The following CNTN5 variants were observed in gnomAD, a reference collection of about 807,000 sequenced individuals.
CNTN5 encodes contactin 5, also known as contactin-5.
A neutral mutation model predicts 129.1 loss-of-function variants in CNTN5; 77 were observed. The ratio of observed to expected loss-of-function variants is 0.60; its 90% CI spans 0.50 to 0.72. The LOEUF (loss-of-function observed/expected upper bound fraction) is 0.72. Among genes scored for constraint, CNTN5 ranks in the 30% least tolerant of loss-of-function variants. The probability of loss-of-function intolerance (pLI) is 0.00; values close to 1 mark genes in which losing one functional copy is unlikely to be tolerated. For synonymous variants in CNTN5, 509 were observed against 465.6 expected (o/e 1.09, Z -1.20); for missense variants, 1,478 against 1,328.8 (o/e 1.11, Z -1.75).
intron 3 of CNTN5, among the ~76,000 whole-genome samples, chr11:99,626,577 T>C (rs575695126): frequency 1.3e-5 from 2 of 152,294 alleles, no homozygotes; most frequent in African/African-American, 4.8e-5. Flanking sequence ...CTGCTAGAGA[T>C]TGCAGTGCTG....
rs71046683 is a variant in CNTN5 at position 99,404,288 on chromosome 11, GTT to G, written c.-71+78814_-71+78815del. 5.1e-4 allele frequency among the ~76,000 whole-genome samples: 75 copies of G among 148,054 alleles called. 1 individual carries two copies. The highest frequency in any genetic ancestry group is 1.0e-3 in the African/African-American group (42 of 40,628). ...ATTTCTTATAGGCAACAGATCAATG[GTT>G]TTTTTTTTTCTTTATTCAGCTTTTG... On this transcript the variant is annotated intron_variant, in intron 2 of 24. Transcript: ENST00000524871.
intron 3 of CNTN5, among the ~76,000 whole-genome samples, chr11:99,748,073 G>A (rs748973774): frequency 6.6e-6 from 1 of 152,094 alleles, no homozygotes; most frequent in African/African-American, 2.4e-5. Context: ...TCCAATCATA[G>A]TGAATTATCC....
chr11:99,574,565 C>A (rs568128409), intron 3 of CNTN5, among the ~76,000 whole-genome samples: 4 of 152,192 alleles, frequency 2.6e-5, no homozygotes, highest in Admixed American at 1.3e-4. Context: ...GCCTCTCCAG[C>A]ATCTGGTGTT....
At chr11:99,263,720 G>A (rs1200589689) in intron 1 of CNTN5, among the ~76,000 whole-genome samples, 1 of 152,030 alleles carries the variant, frequency 6.6e-6, no homozygotes, top group Non-Finnish European at 1.5e-5. Context: ...GGGTTCAAGT[G>A]GTTCTCCCAC....
chr11:99,951,759 CTATT>C (rs1950682754), intron 7 of CNTN5, among the ~76,000 whole-genome samples: 1 of 152,090 alleles, frequency 6.6e-6, no homozygotes, highest in African/African-American at 2.4e-5. Flanking sequence ...CTCAGTGTCT[CTATT>C]TAGCCCAACA....
chr11:99,534,551 C>A (rs1938237414), intron 2 of CNTN5, among the ~76,000 whole-genome samples: 1 of 152,094 alleles, frequency 6.6e-6, no homozygotes, highest in African/African-American at 2.4e-5. Context: ...TATAAGTCAT[C>A]ATTTAATAAA....
chr11:99,908,690 G>C (rs1007822202), intron 6 of CNTN5, among the ~76,000 whole-genome samples: 2 of 152,010 alleles, frequency 1.3e-5, no homozygotes, highest in Admixed American at 6.6e-5. Flanking sequence ...GTATTATTCA[G>C]TGTTGAAGTA....
chr11:99,892,933 CA>C (rs1026020748), intron 6 of CNTN5, among the ~76,000 whole-genome samples: 3 of 152,134 alleles, frequency 2.0e-5, no homozygotes, highest in African/African-American at 7.2e-5. Flanking sequence ...TGGCCATTTT[CA>C]CGATATTGAT....
At chr11:99,551,241 T>C (rs981416279) in intron 2 of CNTN5, among the ~76,000 whole-genome samples, 8 of 152,204 alleles carry the variant, frequency 5.3e-5, no homozygotes, top group African/African-American at 1.4e-4. Context: ...AATTGGCATA[T>C]ATATTCTGTA....
Position 100,079,051 on chromosome 11 carries a change from T to C in CNTN5, c.1580+4757T>C, listed in dbSNP as rs182339664. Among the ~76,000 whole-genome samples the C allele has an allele frequency of 1.9e-3, 286 of 151,828 alleles. 1 individual carries two copies. Among genetic ancestry groups the C allele is most frequent in the Non-Finnish European group, 3.3e-3 (225 of 67,912 alleles). On this transcript the variant is annotated intron_variant, in intron 13 of 24. Coordinates refer to ENST00000524871, the MANE Select transcript of CNTN5 (RefSeq NM_014361.4). ...GAAGTGCCAAGGAAAGGGGGAAGAGTGCCTTATAAAACCATCAGATCTATG... is the reference window on the plus strand; with the variant it reads ...GAAGTGCCAAGGAAAGGGGGAAGAGCGCCTTATAAAACCATCAGATCTATG...
intron 1 of CNTN5, among the ~76,000 whole-genome samples, chr11:99,169,966 G>A (rs1196542573): frequency 2.0e-5 from 3 of 151,924 alleles, no homozygotes; most frequent in Admixed American, 6.6e-5. Flanking sequence ...AATGTATAAC[G>A]AAAATTAATA....
chr11:99,889,291 GGTGTGTGTGTGTGTGTGT>G (rs71050029), intron 6 of CNTN5, among the ~76,000 whole-genome samples: 143 of 33,218 alleles, frequency 4.3e-3, no homozygotes, highest in Middle Eastern at 0.014. Flanking sequence ...CTCCAGAGCA[GGTGTGTGTGTGTGTGTGT>G]GTGTGTGTGT....
At chr11:99,633,803 A>G (rs553817610) in intron 3 of CNTN5, among the ~76,000 whole-genome samples, 2 of 151,154 alleles carry the variant, frequency 1.3e-5, no homozygotes, top group East Asian at 2.0e-4. Context: ...AGCTTTTGAA[A>G]TACTGTGAGA....
At chr11:99,047,249 T>C (rs1233361153) in intron 1 of CNTN5, among the ~76,000 whole-genome samples, 2 of 151,916 alleles carry the variant, frequency 1.3e-5, no homozygotes, top group Non-Finnish European at 2.9e-5. Context: ...TATTAAGAAC[T>C]TACTATCTTC....
At chr11:99,880,906 TA>T (rs988969851) in intron 6 of CNTN5, among the ~76,000 whole-genome samples, 11 of 152,098 alleles carry the variant, frequency 7.2e-5, no homozygotes, top group South Asian at 4.1e-4. Flanking sequence ...TTTTAATATT[TA>T]AAAAAATTGT....
At chr11:99,514,245 C>T (rs1039655107) in intron 2 of CNTN5, among the ~76,000 whole-genome samples, 34 of 151,966 alleles carry the variant, frequency 2.2e-4, no homozygotes, top group Admixed American at 5.9e-4. Context: ...TGAGAAGTTG[C>T]TTTTTATGGA....
At chr11:99,250,762 C>A (rs1422219644) in intron 1 of CNTN5, among the ~76,000 whole-genome samples, 1 of 151,726 alleles carries the variant, frequency 6.6e-6, no homozygotes, top group African/African-American at 2.4e-5. Flanking sequence ...ATTATCATAT[C>A]CCAGATACTA....
At chr11:99,729,426 A>AT (rs911922193) in intron 3 of CNTN5, among the ~76,000 whole-genome samples, 5 of 151,932 alleles carry the variant, frequency 3.3e-5, no homozygotes, top group African/African-American at 7.3e-5. Flanking sequence ...CCCAATAGTT[A>AT]TTTTTTTCTG....
chr11:99,789,770 T>A (rs1223632395), intron 3 of CNTN5, among the ~76,000 whole-genome samples: 2 of 151,956 alleles, frequency 1.3e-5, no homozygotes, highest in Non-Finnish European at 2.9e-5. Context: ...GATGAGAAAA[T>A]TTTTTATTTC....
Sources: allele counts gnomAD v4.1 joint callset (sites outside exome capture counted in the v4.1 genomes callset), GRCh38; gene constraint gnomAD v4.1.1; transcripts MANE v1.5; gene names NCBI Gene and HGNC (gene_info 2026-07-23, HGNC 2026-07-21).